RBFOX3: variants seen among roughly 807,000 people sequenced by gnomAD.
The protein encoded by RBFOX3 is RNA binding fox-1 homolog 3.
RBFOX3 carries 17 observed loss-of-function variants against 48.7 expected under a neutral mutation model. The ratio of observed to expected loss-of-function variants is 0.35; its 90% CI spans 0.24 to 0.52. The LOEUF is 0.52. Ranked by LOEUF, RBFOX3 falls within the 20% of genes least tolerant of loss-of-function variation. The pLI, the probability that RBFOX3 is intolerant of heterozygous loss-of-function variation, is 0.94. For missense variants in RBFOX3, 382 were observed against 497.5 expected, an observed-to-expected ratio of 0.77 and a Z score of 2.21; for synonymous variants, 212 against 209.5, an observed-to-expected ratio of 1.01 and a Z score of -0.10.
chr17:79,322,792 G>A (rs2078734674), intron 2 of RBFOX3, among the ~76,000 whole-genome samples: 1 of 152,176 alleles, frequency 6.6e-6, no homozygotes, highest in Non-Finnish European at 1.5e-5. Context: ...TTCTCAAGGG[G>A]GGCCTGGGAT....
At chr17:79,583,682 G>A (rs1327173995) in intron 1 of RBFOX3, among the ~76,000 whole-genome samples, 6 of 152,288 alleles carry the variant, frequency 3.9e-5, no homozygotes, top group African/African-American at 9.6e-5. Flanking sequence ...GGAATGGACC[G>A]GCCAGGAGGT....
At chr17:79,588,921 G>A (rs2093337277) in intron 1 of RBFOX3, among the ~76,000 whole-genome samples, 1 of 151,360 alleles carries the variant, frequency 6.6e-6, no homozygotes, top group Non-Finnish European at 1.5e-5. Context: ...ACCCCGTCCT[G>A]CACTTGGACC....
At chr17:79,317,003 C>G (rs2077624680) in intron 2 of RBFOX3, among the ~76,000 whole-genome samples, 1 of 152,198 alleles carries the variant, frequency 6.6e-6, no homozygotes, top group African/African-American at 2.4e-5. Flanking sequence ...CGCACACACA[C>G]AGATGTGCAC....
chr17:79,529,799 A>G (rs2087420412), intron 1 of RBFOX3, among the ~76,000 whole-genome samples: 1 of 152,200 alleles, frequency 6.6e-6, no homozygotes. Flanking sequence ...AGGCTCTAGA[A>G]GAGGGGCTGG....
At position 79,363,135 on chromosome 17, in the gene RBFOX3, G is replaced by A. The variant is rs2147336809; in HGVS notation, c.-174-55311C>T. ...CAGGGGAGGCACGTGGCTCCTGCAG[G>A]GGAGATGGAGGGGAGGCACATGACT... On this transcript the variant is annotated intron_variant, in intron 2 of 14. Coordinates refer to ENST00000693108, the MANE Select transcript of RBFOX3 (RefSeq NM_001350451.2). The surrounding 1 kb of genome is among the most constrained non-coding windows in gnomAD (Gnocchi z 4.7). Among the ~76,000 whole-genome samples, 1 of 152,288 alleles carries A rather than the reference G, an allele frequency of 6.6e-6. No individual in the cohort carries two copies. The highest frequency in any genetic ancestry group is 1.5e-5 in the Non-Finnish European group (1 of 68,018).
rs1423753028 is a variant in RBFOX3 at position 79,243,467 on chromosome 17, G to A, written c.-73-7662C>T. Among the ~76,000 whole-genome samples, 1 of 152,124 alleles carries A rather than the reference G, an allele frequency of 6.6e-6. No homozygotes were observed. The highest frequency in any genetic ancestry group is 1.5e-5 in the Non-Finnish European group (1 of 68,022). On this transcript the variant is annotated intron_variant, in intron 3 of 14. Transcript: ENST00000693108. This position sits in a 1 kb window ranked among gnomAD's most constrained non-coding sequence, Gnocchi z 7.9. The stretch of plus-strand genomic sequence containing the variant: ...TTCCAGCTGTGCTGGGCTTTGCAAA[G>A]CCCATGTGCCTTTGCCCTGGGGTGT...
At chr17:79,138,709 A>ATGCCCCCCC (rs76586779) in intron 4 of RBFOX3, among the ~76,000 whole-genome samples, 57 of 48,246 alleles carry the variant, frequency 1.2e-3, no homozygotes, top group South Asian at 1.4e-3. Context: ...ACATGCGTTC[A>ATGCCCCCCC]CACCCCCTCA....
intron 3 of RBFOX3, among the ~76,000 whole-genome samples, chr17:79,237,118 A>C (rs1285322119): frequency 1.3e-5 from 2 of 151,932 alleles, no homozygotes; most frequent in Non-Finnish European, 2.9e-5. Flanking sequence ...TTAAGATGCC[A>C]CTCCCTGCCC....
intron 1 of RBFOX3, among the ~76,000 whole-genome samples, chr17:79,578,568 C>T (rs1474046171): frequency 6.6e-6 from 1 of 152,248 alleles, no homozygotes; most frequent in Non-Finnish European, 1.5e-5. Context: ...CATCCTGAGA[C>T]CCGCTCCGGG....
At chr17:79,611,169 T>TCTCGCTCTCG (rs2093963785), upstream of RBFOX3, among the ~76,000 whole-genome samples, 8 of 25,908 alleles carry the variant, frequency 3.1e-4, 2 homozygotes, top group Non-Finnish European at 4.1e-4. Context: ...TCTCTCTCTC[T>TCTCGCTCTCG]CTCTCCGCCC....
chr17:79,618,637 C>A, the RBFOX3 span, among the ~76,000 whole-genome samples: 1 of 152,170 alleles, frequency 6.6e-6, no homozygotes, highest in Non-Finnish European at 1.5e-5. Flanking sequence ...GCACATCCGT[C>A]TGGACAAATG....
chr17:79,205,103 A>G lies in RBFOX3; in HGVS notation c.-34+30663T>C, dbSNP rs1052851259. Among the ~76,000 whole-genome samples, 1 of 152,182 alleles carries G rather than the reference A, an allele frequency of 6.6e-6. No homozygotes were observed. The highest frequency in any genetic ancestry group is 2.4e-5 in the African/African-American group (1 of 41,434). On this transcript the variant is annotated intron_variant, in intron 4 of 14. Coordinates refer to ENST00000693108, the MANE Select transcript of RBFOX3 (RefSeq NM_001350451.2). This position sits in a 1 kb window ranked among gnomAD's most constrained non-coding sequence, Gnocchi z 4.5. ...CCCACTGGTGGAAGGAAGACCAGGT[A>G]GGGCTTAGGAATGCACTGCAATATT...
intron 2 of RBFOX3, among the ~76,000 whole-genome samples, chr17:79,340,219 A>C (rs527376046): frequency 2.0e-5 from 3 of 151,546 alleles, no homozygotes; most frequent in Non-Finnish European, 4.4e-5. Flanking sequence ...GGATTGCTTG[A>C]ACCCGGGAGG....
Position 79,249,277 on chromosome 17 carries a change from G to A in RBFOX3, c.-73-13472C>T, listed in dbSNP as rs1037197199. Among the ~76,000 whole-genome samples, 2 of 152,148 alleles carry A rather than the reference G, an allele frequency of 1.3e-5. No homozygotes were observed. Among genetic ancestry groups the A allele is most frequent in the African/African-American group, 4.8e-5 (2 of 41,446 alleles). ...GCTTGGGCTGCGGATTCTGGCTAGT[G>A]AGATGCTGAGCTGTGAACAAAGTCA... On this transcript the variant is annotated intron_variant, in intron 3 of 14. Coordinates refer to ENST00000693108, the MANE Select transcript of RBFOX3 (RefSeq NM_001350451.2). This position sits in a 1 kb window ranked among gnomAD's most constrained non-coding sequence, Gnocchi z 4.1.
intron 5 of RBFOX3, among the ~76,000 whole-genome samples, chr17:79,109,808 C>G (rs963705262): frequency 6.6e-6 from 1 of 152,146 alleles, no homozygotes; most frequent in South Asian, 2.1e-4. Context: ...CACCCACAGG[C>G]GCTGGGGCAT....
intron 1 of RBFOX3, among the ~76,000 whole-genome samples, chr17:79,548,394 T>A (rs918222740): frequency 2.6e-5 from 4 of 152,190 alleles, no homozygotes; most frequent in Admixed American, 2.0e-4. Context: ...GAGGTCCAAG[T>A]CAGCGTCCTG....
chr17:79,126,569 G>C (rs928024339), intron 4 of RBFOX3, among the ~76,000 whole-genome samples: 2 of 152,086 alleles, frequency 1.3e-5, no homozygotes, highest in Non-Finnish European at 2.9e-5. Context: ...AGCAGGGGTG[G>C]TCCTGCCCTC....
intron 4 of RBFOX3, among the ~76,000 whole-genome samples, chr17:79,200,404 G>C (rs577268647): frequency 1.4e-4 from 22 of 152,232 alleles, no homozygotes; most frequent in Middle Eastern, 3.2e-3. Context: ...CTGTCACTCA[G>C]GTGTCCCACC....
Position 79,339,215 on chromosome 17 carries a change from C to T in RBFOX3, c.-174-31391G>A, listed in dbSNP as rs192482501. On this transcript the variant is annotated intron_variant, in intron 2 of 14. Transcript: ENST00000693108. ...GACTACAGGCATGCACCACCACACT[C>T]GGATAATTTTTAAATTTGTTTGTAG... Among the ~76,000 whole-genome samples, 580 of 152,154 alleles carry T rather than the reference C, an allele frequency of 3.8e-3. 1 individual carries two copies. The highest frequency in any genetic ancestry group is 6.2e-3 in the Non-Finnish European group (420 of 68,012).
Sources: allele counts gnomAD v4.1 joint callset (sites outside exome capture counted in the v4.1 genomes callset), GRCh38; gene constraint gnomAD v4.1.1; non-coding constraint Gnocchi (gnomAD v3.1); transcripts MANE v1.5; gene names NCBI Gene and HGNC (gene_info 2026-07-23, HGNC 2026-07-21).